ZNF423: variants seen among roughly 807,000 people sequenced by gnomAD.
The protein encoded by ZNF423 is Ebf-associated zinc finger protein.
Under a neutral mutation model 95.8 loss-of-function variants are expected in ZNF423, and 12 were observed. The observed-to-expected ratio is 0.13, with a 90% CI of 0.08 to 0.20. The LOEUF is 0.20. Ranked by LOEUF, ZNF423 falls within the 10% of genes least tolerant of loss-of-function variation. ZNF423 has a pLI of 1.00. For synonymous variants in ZNF423, 749 were observed against 711.9 expected, an observed-to-expected ratio of 1.05 and a Z score of -0.83; for missense variants, 1,316 against 1,737.1, an observed-to-expected ratio of 0.76 and a Z score of 4.31.
chr16:49,797,580 T>G (rs1030131843), intron 1 of ZNF423, among the ~76,000 whole-genome samples: 3 of 152,186 alleles, frequency 2.0e-5, no homozygotes, highest in Non-Finnish European at 4.4e-5. Context: ...GGTGATTGCA[T>G]GCAAAAGCCA....
intron 5 of ZNF423, 152 bp from the exon 6 acceptor site, chr16:49,525,646 G>A: frequency 9.0e-7 from 1 of 1,105,974 alleles, no homozygotes; most frequent in Non-Finnish European, 1.3e-6. Flanking sequence ...GACTCATCCT[G>A]GCTCCACATG....
At chr16:49,597,660 C>T (rs965686349) in intron 5 of ZNF423, among the ~76,000 whole-genome samples, 1 of 152,018 alleles carries the variant, frequency 6.6e-6, no homozygotes, top group Non-Finnish European at 1.5e-5. Flanking sequence ...CCATGCATGT[C>T]GGTGCCGTTC....
At position 49,635,588 on chromosome 16, in the gene ZNF423, C is replaced by T. The variant is rs909716941; in HGVS notation, c.3516+72G>A. 7.4e-6 allele frequency: 11 copies of T among 1,489,534 alleles called. No homozygotes were observed. The highest frequency in any genetic ancestry group is 7.0e-5 in the South Asian group (5 of 71,436). 92.3% of individuals were successfully genotyped at this position (1,489,534 alleles called of 1,614,324 possible). A position where few individuals can be genotyped will look rare whatever the true frequency, so the allele number is the denominator to read the frequency against. On this transcript the variant is annotated intron_variant, in intron 4 of 7. Transcript: ENST00000563137. This position sits in a 1 kb window ranked among gnomAD's most constrained non-coding sequence, Gnocchi z 4.8. ...TCTTGGAAACACGGCACTCAGGGTA[C>T]GTGGCTCCTGTGGGGACCAGAGGAG...
chr16:49,808,034 T>A (rs1487378577), intron 1 of ZNF423, among the ~76,000 whole-genome samples: 1 of 152,014 alleles, frequency 6.6e-6, no homozygotes, highest in Non-Finnish European at 1.5e-5. Context: ...ATCACACATT[T>A]GGTGTGCTAG....
At chr16:49,642,156 C>T (rs1972995172) in intron 3 of ZNF423, among the ~76,000 whole-genome samples, 1 of 152,196 alleles carries the variant, frequency 6.6e-6, no homozygotes, top group African/African-American at 2.4e-5. Flanking sequence ...TCTATTATCG[C>T]AATTAATTTC....
chr16:49,778,338 G>A (rs1340019074), intron 2 of ZNF423, among the ~76,000 whole-genome samples: 4 of 152,210 alleles, frequency 2.6e-5, no homozygotes, highest in African/African-American at 9.6e-5. Flanking sequence ...CCCAGGAGCT[G>A]GGCCCTGCAG....
At chr16:49,788,942 C>T (rs1421854932) in intron 2 of ZNF423, among the ~76,000 whole-genome samples, 1 of 152,212 alleles carries the variant, frequency 6.6e-6, no homozygotes, top group Middle Eastern at 3.2e-3. Context: ...CTTTTTACAG[C>T]TAAGAAACAG....
intron 1 of ZNF423, among the ~76,000 whole-genome samples, chr16:49,791,051 G>T (rs1166848040): frequency 1.3e-5 from 2 of 152,150 alleles, no homozygotes; most frequent in Non-Finnish European, 2.9e-5. Context: ...CCTCCCCAAA[G>T]CCTCACAGAA....
intron 5 of ZNF423, among the ~76,000 whole-genome samples, chr16:49,590,803 T>C (rs80027158): frequency 0.03 from 4,535 of 152,266 alleles, 108 homozygotes; most frequent in Middle Eastern, 0.058. Context: ...GCCAGCATCC[T>C]CACACCACAA....
At chr16:49,548,486 T>C (rs753489280) in intron 5 of ZNF423, among the ~76,000 whole-genome samples, 1 of 151,864 alleles carries the variant, frequency 6.6e-6, no homozygotes, top group Non-Finnish European at 1.5e-5. Context: ...CTGACACCAG[T>C]GTACTAGTTG....
In ZNF423 at chr16:49,823,133, C is replaced by A. The variant is rs12917979; in HGVS notation, c.40+32602G>T. Among the ~76,000 whole-genome samples, 16 of 152,274 alleles carry A rather than the reference C, an allele frequency of 1.1e-4. 1 individual carries two copies. The Middle Eastern group carries it at 0.01, about 97-fold the overall frequency. On this transcript the variant is annotated intron_variant, in intron 1 of 7. Coordinates refer to ENST00000563137, the MANE Select transcript of ZNF423 (RefSeq NM_001379286.1). ...TTAAGAAGCTCCAAGCTCTCACCAG[C>A]GATGCTAATGGGCCAGGAGTAACCT...
chr16:49,744,455 A>G (rs1376230855), intron 2 of ZNF423, among the ~76,000 whole-genome samples: 1 of 143,504 alleles, frequency 7.0e-6, no homozygotes, highest in East Asian at 2.2e-4. Context: ...GAGCACACAC[A>G]TGGCCAGGTG....
Position 49,760,915 on chromosome 16 carries a change from AAC to A in ZNF423, c.100+28570_100+28571del, listed in dbSNP as rs112034770. Reference sequence around the variant, plus strand: ...CATGCCGTCACCACCACCTCCCTCCAACACACACACACACACACACACGTACA... The same window carrying A: ...CATGCCGTCACCACCACCTCCCTCCAACACACACACACACACACACGTACA... On this transcript the variant is annotated intron_variant, in intron 2 of 7. Coordinates refer to ENST00000563137, the MANE Select transcript of ZNF423 (RefSeq NM_001379286.1). Among the ~76,000 whole-genome samples, 667 of 148,200 alleles carry A rather than the reference AAC, an allele frequency of 4.5e-3. 5 individuals carry two copies. Among genetic ancestry groups the A allele is most frequent in the African/African-American group, 0.012 (487 of 40,174 alleles).
intron 1 of ZNF423, among the ~76,000 whole-genome samples, chr16:49,827,498 G>A (rs1386514986): frequency 6.7e-6 from 1 of 150,276 alleles, no homozygotes; most frequent in Non-Finnish European, 1.5e-5. Context: ...TTGGATGGAA[G>A]AATGAATGAA....
intron 1 of ZNF423, chr16:49,853,909 A>G (rs2035328562): frequency 3.0e-6 from 3 of 985,258 alleles, no homozygotes; most frequent in African/African-American, 3.5e-5. Context: ...CTCAAAATCA[A>G]CTGCCTGAGT....
intron 1 of ZNF423, among the ~76,000 whole-genome samples, chr16:49,838,843 C>T (rs2144085263): frequency 6.6e-6 from 1 of 151,814 alleles, no homozygotes; most frequent in South Asian, 2.1e-4. Flanking sequence ...AGTGACTGCG[C>T]CGCAGCCATG....
intron 2 of ZNF423, among the ~76,000 whole-genome samples, chr16:49,750,042 C>T (rs1024730280): frequency 1.3e-5 from 2 of 152,174 alleles, no homozygotes; most frequent in African/African-American, 4.8e-5. Flanking sequence ...GGAAGGCTGC[C>T]GTCAGCCCAT....
chr16:49,717,998 C>A (rs539909386), intron 3 of ZNF423, among the ~76,000 whole-genome samples: 1 of 152,344 alleles, frequency 6.6e-6, no homozygotes, highest in South Asian at 2.1e-4. Flanking sequence ...ATTCAAGAAT[C>A]CCCTGGCCAA....
At chr16:49,616,744 C>G (rs1332882794) in intron 5 of ZNF423, among the ~76,000 whole-genome samples, 1 of 152,126 alleles carries the variant, frequency 6.6e-6, no homozygotes, top group African/African-American at 2.4e-5. Context: ...CTTGACAAGG[C>G]AGAGAGAGGG....
Sources: allele counts gnomAD v4.1 joint callset (sites outside exome capture counted in the v4.1 genomes callset), GRCh38; gene constraint gnomAD v4.1.1; non-coding constraint Gnocchi (gnomAD v3.1); transcripts MANE v1.5; gene names NCBI Gene and HGNC (gene_info 2026-07-23, HGNC 2026-07-21).